Variants in CAPRIN2 observed in about 807,000 individuals in gnomAD.
CAPRIN2 encodes the protein caprin family member 2, also known as caprin-2.
Under a neutral mutation model 130.4 loss-of-function variants are expected in CAPRIN2, and 66 were observed. The observed-to-expected ratio is 0.51, with a 90% CI of 0.42 to 0.62. CAPRIN2 has a LOEUF of 0.62. CAPRIN2 is among the 20% of genes least tolerant of loss of function. CAPRIN2 has a pLI of 0.00. For missense variants in CAPRIN2, 1,185 were observed against 1,246.6 expected (o/e 0.95, Z 0.74); for synonymous variants, 471 against 444.1 (o/e 1.06, Z -0.76).
chr12:30,719,401 C>T (rs1387213106), intron 12 of CAPRIN2, 176 bp from the exon 14 acceptor site: 2 of 662,608 alleles, frequency 3.0e-6, no homozygotes, highest in East Asian at 5.5e-5. Context: ...AGGATGCATA[C>T]CAGTATTTGC....
chr12:30,752,226 T>C (rs1485242457), intron 1 of CAPRIN2, among the ~76,000 whole-genome samples: 1 of 152,094 alleles, frequency 6.6e-6, no homozygotes, highest in East Asian at 1.9e-4. Flanking sequence ...CCGGACCCAC[T>C]ATGGTACTCT....
intron 3 of CAPRIN2, among the ~76,000 whole-genome samples, chr12:30,738,398 T>A (rs1261346863): frequency 1.3e-5 from 2 of 152,012 alleles, no homozygotes; most frequent in African/African-American, 4.8e-5. Context: ...TTACTGGCCA[T>A]ATGACTTTGA....
At chr12:30,754,685 C>G (rs1565741466), upstream of CAPRIN2, 1 of 152,934 alleles carries the variant, frequency 6.5e-6, no homozygotes, top group East Asian at 1.9e-4. Flanking sequence ...CCAGACCTGC[C>G]CACCCTCGCC....
chr12:30,712,733 C>CTT (rs754373140), intron 15 of CAPRIN2, among the ~76,000 whole-genome samples: 2,225 of 106,934 alleles, frequency 0.021, 66 homozygotes, highest in East Asian at 0.036. Context: ...GTTTTCCACT[C>CTT]TTTTTTTTTT....
intron 2 of CAPRIN2, among the ~76,000 whole-genome samples, chr12:30,747,577 T>C (rs558126500): frequency 6.6e-6 from 1 of 151,812 alleles, no homozygotes; most frequent in East Asian, 1.9e-4. Flanking sequence ...CTCAGGAGGC[T>C]GAGGCAGGAG....
chr12:30,709,628 T>C (rs1294605120), exon 17 of CAPRIN2: 1 of 290,870 alleles, frequency 3.4e-6, no homozygotes, highest in African/African-American at 2.1e-5. Context: ...TTTAGTAAGC[T>C]GAACGTTAAT....
At chr12:30,733,215 G>A (rs555707214) in intron 5 of CAPRIN2, among the ~76,000 whole-genome samples, 5 of 152,190 alleles carry the variant, frequency 3.3e-5, no homozygotes, top group African/African-American at 1.2e-4. Flanking sequence ...AATAGACAAC[G>A]TTTCAATAGA....
At chr12:30,720,560 T>C (rs977556328) in intron 12 of CAPRIN2, 2 of 301,998 alleles carry the variant, frequency 6.6e-6, no homozygotes, top group Non-Finnish European at 6.2e-6. Flanking sequence ...TACCTACACT[T>C]TTCATTTTTT....
At chr12:30,719,420 G>T (rs1023002079) in intron 12 of CAPRIN2, 195 bp from the exon 14 acceptor site, 2 of 584,862 alleles carry the variant, frequency 3.4e-6, no homozygotes, top group Non-Finnish European at 5.9e-6. Context: ...GCTTTGCACA[G>T]CTTGCTGACT....
In CAPRIN2 at chr12:30,731,352, T is replaced by C. The variant is rs1252617263; in HGVS notation, c.1051A>G (p.Lys351Glu). ...AGAGGTCACAACAAACCTGACTCTT[T>C]GACAGATTCAGTCTTCGATAATTGT... Residue 351 changes from lysine to glutamate, a missense_variant, in exon 6 of 17, where the codon AAA (lysine) becomes GAA (glutamate). Transcript: ENST00000298892. 1.9e-6 allele frequency: 3 copies of C among 1,612,164 alleles called. No homozygotes were observed. In the African/African-American group the frequency reaches 4.0e-5, roughly 22 times the overall value.
At chr12:30,716,584 T>G in exon 13 of CAPRIN2, 1 of 1,614,064 alleles carries the variant, frequency 6.2e-7, no homozygotes, top group Non-Finnish European at 8.5e-7. Flanking sequence ...GTGTACTTGC[T>G]GTGGTAAAAC....
chr12:30,750,866 C>T (rs1476994342), intron 2 of CAPRIN2, among the ~76,000 whole-genome samples: 7 of 152,194 alleles, frequency 4.6e-5, no homozygotes, highest in East Asian at 1.9e-4. Context: ...CACCCCCATG[C>T]GTACCATCTT....
At chr12:30,745,988 A>G (rs1241325086) in intron 2 of CAPRIN2, among the ~76,000 whole-genome samples, 2 of 152,224 alleles carry the variant, frequency 1.3e-5, no homozygotes, top group South Asian at 2.1e-4. Flanking sequence ...AATCTAAACA[A>G]AAATCAATCT....
At chr12:30,741,561 T>C (rs1286523810) in intron 2 of CAPRIN2, among the ~76,000 whole-genome samples, 1 of 152,044 alleles carries the variant, frequency 6.6e-6, no homozygotes, top group African/African-American at 2.4e-5. Flanking sequence ...AAAATAAATA[T>C]TATAACAAAC....
intron 12 of CAPRIN2, 73 bp downstream of exon 14, chr12:30,719,006 T>C: frequency 2.7e-6 from 4 of 1,502,024 alleles, no homozygotes; most frequent in Non-Finnish European, 3.6e-6. Flanking sequence ...TAGTATCCAA[T>C]AATTATGTAA....
chr12:30,754,174 T>C (rs1384255008), exon 1 of CAPRIN2: 1 of 168,912 alleles, frequency 5.9e-6, no homozygotes, highest in Non-Finnish European at 1.3e-5. Flanking sequence ...CCATCACTAC[T>C]GGACATTTGC....
At chr12:30,752,786 G>A (rs1375742166) in intron 1 of CAPRIN2, among the ~76,000 whole-genome samples, 1 of 152,166 alleles carries the variant, frequency 6.6e-6, no homozygotes, top group Non-Finnish European at 1.5e-5. Context: ...ACATGACTCA[G>A]GAAATGAAGA....
At chr12:30,732,169 C>T (rs1342175699) in intron 5 of CAPRIN2, among the ~76,000 whole-genome samples, 4 of 152,020 alleles carry the variant, frequency 2.6e-5, no homozygotes, top group Non-Finnish European at 5.9e-5. Flanking sequence ...CTTCCTACCA[C>T]CTGACCATTT....
intron 3 of CAPRIN2, among the ~76,000 whole-genome samples, chr12:30,738,878 GTTA>G (rs753369854): frequency 2.6e-5 from 4 of 152,142 alleles, no homozygotes; most frequent in African/African-American, 4.8e-5. Flanking sequence ...AGTCAGAATG[GTTA>G]TTATTAAAAA....
Sources: allele counts gnomAD v4.1 joint callset (sites outside exome capture counted in the v4.1 genomes callset), GRCh38; gene constraint gnomAD v4.1.1; transcripts MANE v1.5; gene names NCBI Gene and HGNC (gene_info 2026-07-23, HGNC 2026-07-21).